GPC3: variants seen among roughly 807,000 people sequenced by gnomAD.
The protein encoded by GPC3 is glypican 3, also known as glypican-3.
In GPC3, 3 loss-of-function variants were observed where a neutral mutation model predicts 34.4. The observed-to-expected ratio is 0.09, with a 90% CI of 0.04 to 0.23. The LOEUF is 0.23. Ranked by LOEUF, GPC3 falls within the 10% of genes least tolerant of loss-of-function variation. GPC3 has a pLI of 1.00. For missense variants in GPC3, 351 were observed against 445.6 expected, an observed-to-expected ratio of 0.79 and a Z score of 1.91; for synonymous variants, 177 against 174.0, an observed-to-expected ratio of 1.02 and a Z score of -0.13.
intron 6 of GPC3, among the ~76,000 whole-genome samples, chrX:133,633,530 G>A (rs1414848392): frequency 2.7e-5 from 3 of 112,145 alleles, no homozygotes; most frequent in Admixed American, 9.5e-5. Context: ...TGGACCTTAA[G>A]TGTGATTGCC....
chrX:133,661,569 T>C (rs1034249189), intron 6 of GPC3, among the ~76,000 whole-genome samples, 161 bp downstream of exon 6: 37 of 2,473 alleles, frequency 0.015, no homozygotes, highest in South Asian at 0.058. Flanking sequence ...TATCTCTCTT[T>C]CTCTCTCTCT....
rs1172725391 is a variant in GPC3, at chrX:133,629,513, G to A, written c.1413+32217C>T. 2.5e-4 allele frequency among the ~76,000 whole-genome samples: 27 copies of A among 109,803 alleles called. No homozygotes were observed. The South Asian group carries it at 3.2e-3, about 13-fold the overall frequency. ...CAGGTTCAAGCGATTCTCCTGCCTC[G>A]GCCTCCCAAGTAGCTGGGACTACGG... On this transcript the variant is annotated intron_variant, in intron 6 of 7. Coordinates refer to ENST00000370818, the MANE Select transcript of GPC3 (RefSeq NM_004484.4).
intron 2 of GPC3, among the ~76,000 whole-genome samples, chrX:133,948,316 A>G (rs1451288810): frequency 2.7e-5 from 3 of 110,822 alleles, no homozygotes; most frequent in Non-Finnish European, 1.9e-5. Context: ...GGTCAATTTT[A>G]TTTAGGGGGA....
chrX:133,909,802 C>T (rs73568935), intron 2 of GPC3, among the ~76,000 whole-genome samples: 2,536 of 111,050 alleles, frequency 0.023, 66 homozygotes, highest in African/African-American at 0.077. Context: ...ATATTAATGA[C>T]AGAACTGACA....
chrX:133,673,950 C>T (rs928566647), intron 5 of GPC3, among the ~76,000 whole-genome samples: 1 of 112,098 alleles, frequency 8.9e-6, no homozygotes, highest in Admixed American at 9.4e-5. Context: ...CCCTGCTAGG[C>T]ATGGTGGCTC....
At chrX:133,539,831 G>T (rs1355930332) in intron 7 of GPC3, among the ~76,000 whole-genome samples, 2 of 112,497 alleles carry the variant, frequency 1.8e-5, no homozygotes, top group African/African-American at 6.4e-5. Flanking sequence ...AGAGATAAAG[G>T]GAATAGCTTA....
At chrX:133,636,653 C>T (rs930945862) in intron 6 of GPC3, among the ~76,000 whole-genome samples, 3 of 111,426 alleles carry the variant, frequency 2.7e-5, no homozygotes, top group South Asian at 3.8e-4. Flanking sequence ...GGCAACAGAG[C>T]GAGACTCTGT....
chrX:133,609,422 T>A (rs1195443559), intron 6 of GPC3, among the ~76,000 whole-genome samples: 2 of 112,345 alleles, frequency 1.8e-5, no homozygotes, highest in Non-Finnish European at 3.8e-5. Flanking sequence ...TGAAGGAATG[T>A]GAAATTGAAC....
At position 133,616,395 on chromosome X, in the gene GPC3, C is replaced by T. The variant is rs149706084; in HGVS notation, c.1414-19796G>A. Among the ~76,000 whole-genome samples, 979 of 111,465 alleles carry T rather than the reference C, an allele frequency of 8.8e-3. 13 individuals are homozygous for T. Among genetic ancestry groups the T allele is most frequent in the African/African-American group, 0.03 (921 of 30,686 alleles). ...AAAAAGAACTAAGTAAATAAAAAGA[C>T]GCCCTATATCCATGGATTAGAAGCC... On this transcript the variant is annotated intron_variant, in intron 6 of 7. Coordinates refer to ENST00000370818, the MANE Select transcript of GPC3 (RefSeq NM_004484.4).
intron 2 of GPC3, among the ~76,000 whole-genome samples, chrX:133,768,876 G>A (rs1299644079): frequency 9.1e-6 from 1 of 110,475 alleles, no homozygotes; most frequent in Admixed American, 9.6e-5. Flanking sequence ...GGAGGCAGAG[G>A]CTGCAGTGAG....
chrX:133,542,492 G>T (rs760451493), intron 7 of GPC3, among the ~76,000 whole-genome samples: 1 of 111,774 alleles, frequency 8.9e-6, no homozygotes, highest in South Asian at 3.8e-4. Flanking sequence ...TGCTATGAGG[G>T]CTTCACCCAT....
chrX:133,850,076 C>G (rs758153029), intron 2 of GPC3, among the ~76,000 whole-genome samples: 2 of 110,675 alleles, frequency 1.8e-5, no homozygotes, highest in East Asian at 2.8e-4. Context: ...ATAACCTTCA[C>G]TTTAAGCCAT....
chrX:133,750,530 C>G (rs891101734), intron 3 of GPC3, among the ~76,000 whole-genome samples: 5 of 112,149 alleles, frequency 4.5e-5, no homozygotes, highest in Non-Finnish European at 7.5e-5. Context: ...TCAACATTCA[C>G]ATTATGGTGA....
rs2872468 is a variant in GPC3, at chrX:133,794,131, C to T, written c.338-39955G>A. Among the ~76,000 whole-genome samples, 178 of 112,264 alleles carry T rather than the reference C, an allele frequency of 1.6e-3. 2 individuals carry two copies. The South Asian group carries it at 0.024, about 15-fold the overall frequency. Reference sequence around the variant, plus strand: ...GCACTTCTTTTTCCTTTGAACAAGACGTGCAAAAGGCTGATCCCATATAGT... The same window carrying T: ...GCACTTCTTTTTCCTTTGAACAAGATGTGCAAAAGGCTGATCCCATATAGT... On this transcript the variant is annotated intron_variant, in intron 2 of 7. Transcript: ENST00000370818.
At position 133,550,906 on chromosome X, in the gene GPC3, TCA is replaced by T. The variant is rs771502206; in HGVS notation, c.1574-14615_1574-14614del. ...TACCCACAGCATCAGTTTACCACAC[TCA>T]GTGTGGATGGAATCCACAAAGATTA... On this transcript the variant is annotated intron_variant, in intron 7 of 7. Transcript: ENST00000370818. Among the ~76,000 whole-genome samples the T allele has an allele frequency of 4.5e-5, 5 of 112,150 alleles. No individual in the cohort carries two copies. In the East Asian group the frequency reaches 1.4e-3, roughly 32 times the overall value.
At chrX:133,905,119 A>G (rs888209026) in intron 2 of GPC3, among the ~76,000 whole-genome samples, 1 of 112,274 alleles carries the variant, frequency 8.9e-6, no homozygotes, top group African/African-American at 3.2e-5. Flanking sequence ...CATTGTATTA[A>G]AGAAAAAAGA....
intron 3 of GPC3, among the ~76,000 whole-genome samples, chrX:133,726,635 A>T (rs1217939459): frequency 9.1e-6 from 1 of 109,804 alleles, no homozygotes; most frequent in Admixed American, 9.7e-5. Context: ...TCACCTTCCT[A>T]CTCTTGATCC....
At chrX:133,945,783 A>T (rs986529579) in intron 2 of GPC3, among the ~76,000 whole-genome samples, 2 of 111,096 alleles carry the variant, frequency 1.8e-5, no homozygotes, top group African/African-American at 6.5e-5. Flanking sequence ...AAAAGAAAAG[A>T]AAAGTTATTT....
chrX:133,816,504 C>T (rs1466227310), intron 2 of GPC3, among the ~76,000 whole-genome samples: 2 of 112,022 alleles, frequency 1.8e-5, no homozygotes, highest in Non-Finnish European at 3.8e-5. Flanking sequence ...CATGGCTACC[C>T]TTTACTAAGT....
Sources: allele counts gnomAD v4.1 joint callset (sites outside exome capture counted in the v4.1 genomes callset), GRCh38; gene constraint gnomAD v4.1.1; transcripts MANE v1.5; gene names NCBI Gene and HGNC (gene_info 2026-07-23, HGNC 2026-07-21).